The following TLN2 variants were observed in gnomAD, a reference collection of about 807,000 sequenced individuals.
TLN2 encodes the protein talin 2, also known as talin-2.
A neutral mutation model predicts 294.7 loss-of-function variants in TLN2; 118 were observed. That is an observed-to-expected ratio of 0.40 (90% confidence interval 0.34 to 0.47). The LOEUF is 0.47. TLN2 is among the 20% of genes least tolerant of loss of function. The pLI is 0.84. For missense variants in TLN2, 3,083 were observed against 3,282.2 expected, an observed-to-expected ratio of 0.94 and a Z score of 1.48; for synonymous variants, 1,431 against 1,304.5, an observed-to-expected ratio of 1.10 and a Z score of -2.09.
At chr15:62,509,894 C>T (rs1292961867) in intron 1 of TLN2, among the ~76,000 whole-genome samples, 1 of 152,102 alleles carries the variant, frequency 6.6e-6, no homozygotes, top group Admixed American at 6.5e-5. Flanking sequence ...GTGTCCACAC[C>T]CAGTTGTTTC....
intron 1 of TLN2, among the ~76,000 whole-genome samples, chr15:62,578,587 C>CTT: frequency 6.6e-6 from 1 of 152,202 alleles, no homozygotes; most frequent in East Asian, 1.9e-4. Flanking sequence ...ACAAAAACCC[C>CTT]CATCTCCTGC....
chr15:62,841,966 C>CCTCTCTCTCTCTCTCTCTCT lies in TLN2; in HGVS notation c.*1359_*1378dup, dbSNP rs60493917. 13 of 149,478 alleles carry CCTCTCTCTCTCTCTCTCTCT rather than the reference C, an allele frequency of 8.7e-5. No individual in the cohort carries two copies. Among genetic ancestry groups the CCTCTCTCTCTCTCTCTCTCT allele is most frequent in the South Asian group, 2.1e-4 (1 of 4,674 alleles). 9.3% of individuals were successfully genotyped at this position (149,478 alleles called of 1,614,324 possible). A position where few individuals can be genotyped will look rare whatever the true frequency, so the allele number is the denominator to read the frequency against. The stretch of plus-strand genomic sequence containing the variant: ...AACAGTTAAAGGCACTCACCCTCCG[C>CCTCTCTCTCTCTCTCTCTCT]CTCTCTCTCTCTCTCTCTCTCTGGT... On this transcript the variant is annotated 3_prime_UTR_variant, in exon 59 of 59. Coordinates refer to ENST00000636159, the MANE Select transcript of TLN2 (RefSeq NM_015059.3).
At chr15:62,721,403 A>G (rs73435701) in intron 25 of TLN2, among the ~76,000 whole-genome samples, 13,830 of 152,138 alleles carry the variant, frequency 0.091, 1,040 homozygotes, top group African/African-American at 0.21. Context: ...CATTTCTCCG[A>G]TATTCACAAT....
Position 62,840,828 on chromosome 15 carries a change from C to A in TLN2, c.*218C>A. The A allele has an allele frequency of 1.8e-6, 1 of 562,580 alleles. No homozygotes were observed. The highest frequency in any genetic ancestry group is 3.0e-6 in the Non-Finnish European group (1 of 334,886). 34.8% of individuals were successfully genotyped at this position (562,580 alleles called of 1,614,324 possible). On this transcript the variant is annotated 3_prime_UTR_variant, in exon 59 of 59. Coordinates refer to ENST00000636159, the MANE Select transcript of TLN2 (RefSeq NM_015059.3). The stretch of plus-strand genomic sequence containing the variant: ...TGTCCTACCCACAACTCCTCTGCCG[C>A]CTCCCCTCATGCCTCACCGTGTCTC...
At chr15:62,833,776 CT>C in intron 55 of TLN2, 147 bp downstream of exon 55, 1 of 1,173,578 alleles carries the variant, frequency 8.5e-7, no homozygotes, top group Non-Finnish European at 1.1e-6. Context: ...TGCTGACCGA[CT>C]GAAAACTACA....
chr15:62,604,546 A>AG (rs1491250135), intron 2 of TLN2, among the ~76,000 whole-genome samples: 2 of 143,520 alleles, frequency 1.4e-5, no homozygotes, highest in African/African-American at 5.2e-5. Context: ...AAAAAAAAAA[A>AG]GAAAAGGGTG....
chr15:62,497,451 C>T (rs920972986), intron 1 of TLN2, among the ~76,000 whole-genome samples: 3 of 152,256 alleles, frequency 2.0e-5, no homozygotes, highest in African/African-American at 7.2e-5. Flanking sequence ...GTACTTTCCT[C>T]TGCTCCTTCT....
intron 27 of TLN2, 33 bp from the exon 28 acceptor site, chr15:62,727,054 C>A (rs781420033): frequency 5.0e-6 from 8 of 1,605,424 alleles, no homozygotes; most frequent in South Asian, 4.4e-5. Context: ...TCCTTTTCTT[C>A]TACGTTCTTT....
chr15:62,606,708 C>T (rs1047537529), intron 2 of TLN2, among the ~76,000 whole-genome samples: 3 of 152,180 alleles, frequency 2.0e-5, no homozygotes, highest in Non-Finnish European at 4.4e-5. Context: ...GGGAACAATA[C>T]TTCAAATAGA....
chr15:62,572,878 C>T (rs2044014221), intron 1 of TLN2, among the ~76,000 whole-genome samples: 1 of 152,192 alleles, frequency 6.6e-6, no homozygotes, highest in South Asian at 2.1e-4. Context: ...CCCCCTCCTG[C>T]TGCGCTCTTC....
At chr15:62,455,631 C>T (rs2036432497) in intron 1 of TLN2, among the ~76,000 whole-genome samples, 1 of 152,190 alleles carries the variant, frequency 6.6e-6, no homozygotes, top group South Asian at 2.1e-4. Flanking sequence ...TGGAAGGCCT[C>T]CAGCAACCCT....
intron 1 of TLN2, among the ~76,000 whole-genome samples, chr15:62,576,668 C>CG (rs1418538079): frequency 1.9e-4 from 24 of 123,264 alleles, no homozygotes; most frequent in African/African-American, 5.6e-4. Flanking sequence ...ATTCCCCCCC[C>CG]CGCCCCCCAC....
chr15:62,815,177 T>TCTCACA (rs1349363288), intron 52 of TLN2, among the ~76,000 whole-genome samples: 312 of 140,670 alleles, frequency 2.2e-3, no homozygotes, highest in African/African-American at 5.7e-3. Flanking sequence ...ATTCTGTCTG[T>TCTCACA]CACACACACA....
At chr15:62,642,257 T>C (rs1277243840) in intron 3 of TLN2, among the ~76,000 whole-genome samples, 2 of 152,202 alleles carry the variant, frequency 1.3e-5, no homozygotes, top group Non-Finnish European at 1.5e-5. Flanking sequence ...AATAAGATAG[T>C]AGTCATTCAA....
intron 28 of TLN2, among the ~76,000 whole-genome samples, chr15:62,727,431 A>G (rs1290551900): frequency 6.6e-6 from 1 of 152,238 alleles, no homozygotes; most frequent in Non-Finnish European, 1.5e-5. Context: ...AGAAATAGTA[A>G]TTGTAGACTT....
chr15:62,738,140 T>A, intron 29 of TLN2, 74 bp from the exon 30 acceptor site: 1 of 1,560,704 alleles, frequency 6.4e-7, no homozygotes, highest in Non-Finnish European at 8.7e-7. Context: ...GCTCTGCATG[T>A]TTCACTGCCC....
chr15:62,658,089 C>CT (rs991747875), intron 9 of TLN2, 191 bp downstream of exon 9: 9 of 444,004 alleles, frequency 2.0e-5, no homozygotes, highest in Non-Finnish European at 3.5e-5. Context: ...TCAGAAGTTT[C>CT]TTTTGCTGAA....
intron 48 of TLN2, among the ~76,000 whole-genome samples, chr15:62,797,775 G>A (rs755259737): frequency 9.2e-5 from 14 of 152,194 alleles, no homozygotes; most frequent in African/African-American, 1.4e-4. Flanking sequence ...GGGGGAGGTG[G>A]AGGAGATTGA....
intron 37 of TLN2, among the ~76,000 whole-genome samples, chr15:62,759,927 C>T (rs1446267505): frequency 6.6e-6 from 1 of 152,240 alleles, no homozygotes; most frequent in East Asian, 1.9e-4. Context: ...GTCTGGTAAA[C>T]CCCGACCTCC....
Sources: gnomAD v4.1 joint callset for allele counts (sites outside exome capture counted in the v4.1 genomes callset) on GRCh38, gnomAD v4.1.1 for gene constraint, MANE v1.5 for transcripts, NCBI Gene and HGNC (gene_info 2026-07-23, HGNC 2026-07-21) for gene names.